Variants in TNIK observed in about 807,000 individuals in gnomAD.
The protein encoded by TNIK is TRAF2 and NCK interacting kinase.
In TNIK, 49 loss-of-function variants were observed where a neutral mutation model predicts 191.3. The observed-to-expected ratio is 0.26, with a 90% CI of 0.20 to 0.32. The LOEUF is 0.32. Among genes scored for constraint, TNIK ranks in the 10% least tolerant of loss-of-function variants. The pLI, the probability that TNIK is intolerant of heterozygous loss-of-function variation, is 1.00. For missense variants in TNIK, 1,155 were observed against 1,702.3 expected (o/e 0.68, Z 5.66); for synonymous variants, 594 against 600.9 (o/e 0.99, Z 0.17).
intron 25 of TNIK, among the ~76,000 whole-genome samples, 170 bp downstream of exon 25, chr3:171,084,948 C>A (rs1576763883): frequency 6.6e-6 from 1 of 152,262 alleles, no homozygotes; most frequent in Admixed American, 6.5e-5. Flanking sequence ...GAAAGTAATA[C>A]ATTTGTTTTA....
chr3:171,167,836 T>C (rs770651608), intron 9 of TNIK, among the ~76,000 whole-genome samples: 24 of 152,324 alleles, frequency 1.6e-4, no homozygotes, highest in Middle Eastern at 3.4e-3. Flanking sequence ...AAGATTTTTA[T>C]ATGATGAAGT....
At chr3:171,295,005 A>AAGAGAGAG (rs141597723) in intron 2 of TNIK, among the ~76,000 whole-genome samples, 121 of 146,696 alleles carry the variant, frequency 8.2e-4, no homozygotes, top group Middle Eastern at 3.5e-3. Flanking sequence ...CTGGCCAGGG[A>AAGAGAGAG]AGAGAGAGAG....
intron 12 of TNIK, among the ~76,000 whole-genome samples, chr3:171,145,211 C>T (rs989444775): frequency 3.9e-5 from 6 of 151,900 alleles, no homozygotes; most frequent in Admixed American, 6.6e-5. Flanking sequence ...CTCAGCCTCC[C>T]GAGTAGCTGG....
intron 11 of TNIK, 93 bp from the exon 12 acceptor site, chr3:171,157,757 A>G: frequency 7.9e-7 from 1 of 1,268,548 alleles, no homozygotes; most frequent in East Asian, 2.5e-5. Flanking sequence ...CAAATGATTC[A>G]CCCACACACA....
In TNIK at chr3:171,351,269, A is replaced by ATGTGTGTGTGTGTGTG. The variant is rs140083535; in HGVS notation, c.123+18350_123+18351insCACACACACACACACA. Among the ~76,000 whole-genome samples the ATGTGTGTGTGTGTGTG allele has an allele frequency of 4.1e-3, 597 of 147,036 alleles. 6 individuals carry two copies. Among genetic ancestry groups the ATGTGTGTGTGTGTGTG allele is most frequent in the African/African-American group, 4.6e-3 (177 of 38,266 alleles). Reference sequence around the variant, plus strand: ...AGAGAAAATATATATATATATGTATATATGTGTGTGTGTGTGTGTATGAAT... The same window carrying ATGTGTGTGTGTGTGTG: ...AGAGAAAATATATATATATATGTATATGTGTGTGTGTGTGTGTATGTGTGTGTGTGTGTGTATGAAT... On this transcript the variant is annotated intron_variant, in intron 2 of 32. Transcript: ENST00000436636.
At chr3:171,110,970 T>A in intron 18 of TNIK, 93 bp from the exon 19 acceptor site, 1 of 1,300,488 alleles carries the variant, frequency 7.7e-7, no homozygotes, top group Non-Finnish European at 1.0e-6. Context: ...CCAAAATATG[T>A]AAGGAACTCA....
intron 2 of TNIK, among the ~76,000 whole-genome samples, chr3:171,264,022 A>ATG (rs200513470): frequency 1.6e-4 from 23 of 145,178 alleles, no homozygotes; most frequent in Middle Eastern, 3.5e-3. Context: ...TTATATATGT[A>ATG]TGTGTGTGTG....
intron 9 of TNIK, among the ~76,000 whole-genome samples, chr3:171,172,584 T>C (rs1167627711): frequency 1.3e-5 from 2 of 152,162 alleles, no homozygotes. Context: ...TGCAGAGAAA[T>C]GGGAGCCATG....
At chr3:171,242,456 C>A (rs957986999) in intron 2 of TNIK, among the ~76,000 whole-genome samples, 1 of 152,038 alleles carries the variant, frequency 6.6e-6, no homozygotes, top group African/African-American at 2.4e-5. Flanking sequence ...TGATTTCAAT[C>A]ACATTGGTTG....
At chr3:171,260,117 G>A (rs1747413088) in intron 2 of TNIK, among the ~76,000 whole-genome samples, 1 of 152,070 alleles carries the variant, frequency 6.6e-6, no homozygotes, top group Non-Finnish European at 1.5e-5. Context: ...CCATGCCCCA[G>A]GTGATGTCTG....
chr3:171,167,073 G>GA, intron 10 of TNIK, 22 bp downstream of exon 10: 1 of 1,602,082 alleles, frequency 6.2e-7, no homozygotes, highest in Non-Finnish European at 8.5e-7. Context: ...TTCTGCTGCT[G>GA]AAATACAAAT....
intron 4 of TNIK, among the ~76,000 whole-genome samples, chr3:171,196,828 C>T (rs1013829286): frequency 1.3e-5 from 2 of 152,078 alleles, no homozygotes; most frequent in Non-Finnish European, 2.9e-5. Context: ...GATCTCGGCT[C>T]ACTGCAAGCT....
chr3:171,125,206 T>C (rs977744249), intron 17 of TNIK, among the ~76,000 whole-genome samples: 3 of 152,252 alleles, frequency 2.0e-5, no homozygotes, highest in Non-Finnish European at 1.5e-5. Context: ...ATGCAAAAAA[T>C]GTCTCTAGTA....
chr3:171,073,645 G>A (rs1719510172), intron 28 of TNIK, among the ~76,000 whole-genome samples: 2 of 152,012 alleles, frequency 1.3e-5, no homozygotes, highest in South Asian at 4.2e-4. Flanking sequence ...TTTCTACAAG[G>A]AATGCAAACA....
chr3:171,209,276 C>A (rs572044924), intron 4 of TNIK, among the ~76,000 whole-genome samples: 1 of 152,186 alleles, frequency 6.6e-6, no homozygotes, highest in East Asian at 1.9e-4. Context: ...TACAACTTTA[C>A]TGATAATTGA....
chr3:171,297,871 T>A (rs528790047), intron 2 of TNIK, among the ~76,000 whole-genome samples: 2 of 152,354 alleles, frequency 1.3e-5, no homozygotes, highest in African/African-American at 4.8e-5. Flanking sequence ...AATTATTACA[T>A]TCTCTTGTTT....
chr3:171,242,036 G>A (rs1354690872), intron 2 of TNIK, among the ~76,000 whole-genome samples: 10 of 151,570 alleles, frequency 6.6e-5, no homozygotes, highest in African/African-American at 2.4e-4. Flanking sequence ...GAAGGGGGAG[G>A]GATAGCATTA....
chr3:171,194,368 T>TACC (rs1560243289), intron 5 of TNIK, among the ~76,000 whole-genome samples, 157 bp downstream of exon 5: 2 of 152,182 alleles, frequency 1.3e-5, no homozygotes, highest in Admixed American at 6.5e-5. Flanking sequence ...AAACTACCAC[T>TACC]ACCACCACCA....
At chr3:171,362,666 T>C (rs1715151821) in intron 2 of TNIK, among the ~76,000 whole-genome samples, 1 of 152,190 alleles carries the variant, frequency 6.6e-6, no homozygotes, top group Non-Finnish European at 1.5e-5. Flanking sequence ...TTCCACATAT[T>C]AATGTTTTAT....
Sources: allele counts gnomAD v4.1 joint callset (sites outside exome capture counted in the v4.1 genomes callset), GRCh38; gene constraint gnomAD v4.1.1; transcripts MANE v1.5; gene names NCBI Gene and HGNC (gene_info 2026-07-23, HGNC 2026-07-21).